Variants in INSR observed in about 807,000 individuals in gnomAD.
INSR encodes the protein IR.
A neutral mutation model predicts 142.6 loss-of-function variants in INSR; 67 were observed. The observed-to-expected ratio is 0.47, with a 90% CI of 0.39 to 0.58. The LOEUF is 0.58. Among genes scored for constraint, INSR ranks in the 20% least tolerant of loss-of-function variants. INSR has a pLI of 0.00. For missense variants in INSR, 1,248 were observed against 1,833.2 expected, an observed-to-expected ratio of 0.68 and a Z score of 5.83; for synonymous variants, 756 against 743.1, an observed-to-expected ratio of 1.02 and a Z score of -0.28.
At chr19:7,258,969 CT>C (rs926665208) in intron 2 of INSR, among the ~76,000 whole-genome samples, 35 of 139,596 alleles carry the variant, frequency 2.5e-4, no homozygotes, top group Non-Finnish European at 4.1e-4. Context: ...TCCCTCCTTC[CT>C]TTTTTTCTTT....
At chr19:7,203,790 A>G (rs1442025213) in intron 2 of INSR, among the ~76,000 whole-genome samples, 1 of 150,642 alleles carries the variant, frequency 6.6e-6, no homozygotes, top group African/African-American at 2.4e-5. Flanking sequence ...AAATGCACCT[A>G]TTTCACATTC....
At position 7,119,834 on chromosome 19, in the gene INSR, A is replaced by G. The variant is rs202117673; in HGVS notation, c.3660-251T>C. Among the ~76,000 whole-genome samples, 1 of 98,516 alleles carries G rather than the reference A, an allele frequency of 1.0e-5. No individual in the cohort carries two copies. Among genetic ancestry groups the G allele is most frequent in the Non-Finnish European group, 2.3e-5 (1 of 43,048 alleles). The allele number at this position is 98,516 out of a possible 152,430, so 64.6% of individuals were successfully genotyped here. A position where few individuals can be genotyped will look rare whatever the true frequency, so the allele number is the denominator to read the frequency against. On this transcript the variant is annotated intron_variant, in intron 20 of 21. Coordinates refer to ENST00000302850, the MANE Select transcript of INSR (RefSeq NM_000208.4). The surrounding 1 kb of genome is among the most constrained non-coding windows in gnomAD (Gnocchi z 5.2). ...CAAACACATATACACACACAAACAC[A>G]CACACCCAAACACACACACGCACAC...
intron 6 of INSR, among the ~76,000 whole-genome samples, 162 bp downstream of exon 6, chr19:7,170,375 C>A (rs1179811795): frequency 1.3e-5 from 2 of 151,844 alleles, no homozygotes; most frequent in Non-Finnish European, 2.9e-5. Flanking sequence ...ACAATTCTTT[C>A]ATTATATATT....
Position 7,153,047 on chromosome 19 carries a change from ACC to A in INSR, c.2030-122_2030-121del, listed in dbSNP as rs1465605398. The A allele has an allele frequency of 2.5e-4, 88 of 345,486 alleles. 3 individuals are homozygous for A. The Middle Eastern group carries it at 2.7e-3, about 11-fold the overall frequency. The allele number at this position is 345,486 out of a possible 1,614,324, so 21.4% of individuals were successfully genotyped here. A position where few individuals can be genotyped will look rare whatever the true frequency, so the allele number is the denominator to read the frequency against. On this transcript the variant is annotated intron_variant, in intron 9 of 21. Coordinates refer to ENST00000302850, the MANE Select transcript of INSR (RefSeq NM_000208.4). ...CACACCACACACACACACACCACAC[ACC>A]CCCCCACACACACACACCACACACA...
In INSR at chr19:7,216,805, C is replaced by A. The variant is rs538184873; in HGVS notation, c.653-32168G>T. ...GTCACAAACGCCCACAAATGTAAAA[C>A]GACATACATTTATTATTTTCTCCTG... On this transcript the variant is annotated intron_variant, in intron 2 of 21. Transcript: ENST00000302850. The surrounding 1 kb of genome is among the most constrained non-coding windows in gnomAD (Gnocchi z 4.2). 6.6e-6 allele frequency among the ~76,000 whole-genome samples: 1 copy of A among 152,170 alleles called. No homozygotes were observed. The highest frequency in any genetic ancestry group is 2.1e-4 in the South Asian group (1 of 4,820).
At chr19:7,120,845 G>A in intron 19 of INSR, 96 bp from the exon 20 acceptor site, 2 of 1,515,608 alleles carry the variant, frequency 1.3e-6, no homozygotes, top group Non-Finnish European at 1.8e-6. Context: ...CCCTAAGAGG[G>A]GTTCACCTGG....
intron 12 of INSR, 119 bp downstream of exon 12, chr19:7,142,697 A>G (rs1973100577): frequency 7.7e-7 from 1 of 1,294,812 alleles, no homozygotes; most frequent in African/African-American, 1.5e-5. Context: ...CGTCTCAAAC[A>G]AAAATGAAGG....
intron 1 of INSR, among the ~76,000 whole-genome samples, chr19:7,272,816 A>G (rs1322850933): frequency 2.6e-5 from 4 of 152,176 alleles, no homozygotes; most frequent in Admixed American, 6.6e-5. Context: ...TCCTGAACTC[A>G]AGCAATCCTC....
chr19:7,180,315 A>C lies in INSR; in HGVS notation c.974+4001T>G, dbSNP rs137922166. 1.6e-3 allele frequency among the ~76,000 whole-genome samples: 250 copies of C among 152,114 alleles called. 1 individual carries two copies. The highest frequency in any genetic ancestry group is 5.9e-3 in the African/African-American group (244 of 41,520). ...GAAGCCAAGGTGGGAGGATCACTTA[A>C]ACCCAGGAGTTCAAGACGAGCCTGG... is the stretch of plus-strand genomic sequence containing the variant. On this transcript the variant is annotated intron_variant, in intron 3 of 21. Coordinates refer to ENST00000302850, the MANE Select transcript of INSR (RefSeq NM_000208.4).
At chr19:7,146,615 T>A (rs574194183) in intron 11 of INSR, among the ~76,000 whole-genome samples, 1 of 152,310 alleles carries the variant, frequency 6.6e-6, no homozygotes, top group Non-Finnish European at 1.5e-5. Flanking sequence ...TAGATTTCTG[T>A]GCCCTAAAAT....
chr19:7,260,879 T>TC (rs898575626), intron 2 of INSR, among the ~76,000 whole-genome samples: 1 of 138,948 alleles, frequency 7.2e-6, no homozygotes, highest in Admixed American at 6.9e-5. Context: ...TCAAAGAACT[T>TC]CTTTTTTTTT....
chr19:7,117,704 T>A (rs1414462396), intron 21 of INSR, among the ~76,000 whole-genome samples: 1 of 152,102 alleles, frequency 6.6e-6, no homozygotes, highest in Non-Finnish European at 1.5e-5. Flanking sequence ...CCTCCTAGGC[T>A]CGAGCAATCC....
chr19:7,207,944 A>AGGAAGGAAGGAAGGAAGGAAGGGAAGGAG (rs1568487006), intron 2 of INSR, among the ~76,000 whole-genome samples: 4 of 46,430 alleles, frequency 8.6e-5, no homozygotes, highest in East Asian at 1.1e-3. Context: ...AAGGAAGGGA[A>AGGAAGGAAGGAAGGAAGGAAGGGAAGGAG]GGAGGGAGGG....
chr19:7,180,811 G>C (rs7256994), intron 3 of INSR, among the ~76,000 whole-genome samples: 8 of 151,894 alleles, frequency 5.3e-5, no homozygotes, highest in African/African-American at 1.7e-4. Flanking sequence ...ACCACGGCCA[G>C]GGGGCACCGG....
intron 2 of INSR, among the ~76,000 whole-genome samples, chr19:7,188,703 G>A (rs146252961): frequency 2.3e-4 from 35 of 151,972 alleles, no homozygotes; most frequent in African/African-American, 8.2e-4. Context: ...GGTGAAACCC[G>A]TCTCTACTAA....
intron 2 of INSR, among the ~76,000 whole-genome samples, chr19:7,231,078 C>T (rs1181034736): frequency 6.6e-6 from 1 of 152,104 alleles, no homozygotes; most frequent in Non-Finnish European, 1.5e-5. Flanking sequence ...GAGCCAGGAG[C>T]CACACCAGCT....
chr19:7,224,657 G>A (rs1015577433), intron 2 of INSR, among the ~76,000 whole-genome samples: 2 of 152,210 alleles, frequency 1.3e-5, no homozygotes, highest in Non-Finnish European at 2.9e-5. Context: ...CACCCTGGGC[G>A]AAGGGGCCAA....
At chr19:7,140,405 G>A (rs757838706) in intron 13 of INSR, among the ~76,000 whole-genome samples, 1 of 152,202 alleles carries the variant, frequency 6.6e-6, no homozygotes, top group Non-Finnish European at 1.5e-5. Context: ...AGCTTTCTCA[G>A]TAGAATGGTG....
Position 7,258,229 on chromosome 19 carries a change from G to T in INSR, c.652+9116C>A, listed in dbSNP as rs144030320. On this transcript the variant is annotated intron_variant, in intron 2 of 21. Coordinates refer to ENST00000302850, the MANE Select transcript of INSR (RefSeq NM_000208.4). ...AAAGGAGGATTGCTTGAACCCAATT[G>T]TTTGAGACCAGCCTGGGCAACATAG... is the stretch of plus-strand genomic sequence containing the variant. Among the ~76,000 whole-genome samples, 643 of 152,208 alleles carry T rather than the reference G, an allele frequency of 4.2e-3. 3 individuals carry two copies. The highest frequency in any genetic ancestry group is 0.012 in the African/African-American group (487 of 41,544).
Sources: gnomAD v4.1 joint callset for allele counts (sites outside exome capture counted in the v4.1 genomes callset) on GRCh38, gnomAD v4.1.1 for gene constraint, Gnocchi (gnomAD v3.1) non-coding constraint, MANE v1.5 for transcripts, NCBI Gene and HGNC (gene_info 2026-07-23, HGNC 2026-07-21) for gene names.